CADM1: variants seen among roughly 807,000 people sequenced by gnomAD.
CADM1 encodes cell adhesion molecule 1.
CADM1 carries 15 observed loss-of-function variants against 53.1 expected under a neutral mutation model. The ratio of observed to expected loss-of-function variants is 0.28; its 90% CI spans 0.19 to 0.44. CADM1 has a LOEUF of 0.44. CADM1 is among the 20% of genes least tolerant of loss of function. The pLI, the probability that CADM1 is intolerant of heterozygous loss-of-function variation, is 1.00. For missense variants in CADM1, 434 were observed against 611.3 expected, an observed-to-expected ratio of 0.71 and a Z score of 3.06; for synonymous variants, 281 against 243.0, an observed-to-expected ratio of 1.16 and a Z score of -1.45.
At chr11:115,491,002 C>T (rs1216742344) in intron 1 of CADM1, among the ~76,000 whole-genome samples, 6 of 151,976 alleles carry the variant, frequency 3.9e-5, no homozygotes, top group Admixed American at 3.9e-4. Context: ...ACTGAGATGT[C>T]CAAGAGGCAC....
chr11:115,333,262 T>C (rs2135222944), intron 1 of CADM1, among the ~76,000 whole-genome samples: 1 of 152,186 alleles, frequency 6.6e-6, no homozygotes, highest in East Asian at 1.9e-4. Flanking sequence ...TCAGATCACT[T>C]CCTCACTTAA....
intron 1 of CADM1, among the ~76,000 whole-genome samples, chr11:115,259,290 C>CTTTTTTTTTTTTT (rs71066411): frequency 1.8e-5 from 1 of 55,088 alleles, no homozygotes; most frequent in African/African-American, 7.4e-5. Context: ...CCAGTCTTAA[C>CTTTTTTTTTTTTT]TTTTTTTTTT....
At chr11:115,219,772 G>C (rs1370398422) in intron 5 of CADM1, among the ~76,000 whole-genome samples, 1 of 152,084 alleles carries the variant, frequency 6.6e-6, no homozygotes. Flanking sequence ...ACAACTGCTG[G>C]GCATCAGGTG....
intron 1 of CADM1, among the ~76,000 whole-genome samples, chr11:115,426,278 A>G (rs1298696259): frequency 6.6e-6 from 1 of 152,218 alleles, no homozygotes; most frequent in Non-Finnish European, 1.5e-5. Context: ...ATGATATAAA[A>G]TTGAAGAAAC....
intron 1 of CADM1, among the ~76,000 whole-genome samples, chr11:115,455,178 G>A (rs1207389930): frequency 3.9e-5 from 6 of 152,108 alleles, no homozygotes; most frequent in Non-Finnish European, 8.8e-5. Flanking sequence ...GATCTCATCA[G>A]CTACTAGCTT....
chr11:115,392,674 G>T (rs1030830464), intron 1 of CADM1, among the ~76,000 whole-genome samples: 1 of 152,040 alleles, frequency 6.6e-6, no homozygotes, highest in Admixed American at 6.5e-5. Flanking sequence ...ACTAACATTC[G>T]CATTCCCAAA....
At chr11:115,231,783 T>C (rs1328259996) in intron 3 of CADM1, among the ~76,000 whole-genome samples, 1 of 152,120 alleles carries the variant, frequency 6.6e-6, no homozygotes, top group African/African-American at 2.4e-5. Flanking sequence ...GGTCAGGAGT[T>C]TGATATCAGC....
At chr11:115,214,471 G>A in intron 7 of CADM1, 137 bp downstream of exon 7, 1 of 808,308 alleles carries the variant, frequency 1.2e-6, no homozygotes, top group South Asian at 1.5e-5. Flanking sequence ...TCCACCTCAG[G>A]CCAGGCTTCT....
At chr11:115,481,393 A>G (rs1295024770) in intron 1 of CADM1, among the ~76,000 whole-genome samples, 2 of 152,136 alleles carry the variant, frequency 1.3e-5, no homozygotes, top group African/African-American at 4.8e-5. Flanking sequence ...GGCTTTCCTC[A>G]AAGTCTCTTG....
intron 1 of CADM1, among the ~76,000 whole-genome samples, chr11:115,297,986 TAG>T (rs1944123339): frequency 6.6e-6 from 1 of 152,196 alleles, no homozygotes; most frequent in Non-Finnish European, 1.5e-5. Flanking sequence ...CATTTCTGCA[TAG>T]TTTAAAATAA....
At chr11:115,339,988 C>T (rs1331618291) in intron 1 of CADM1, 1 of 152,008 alleles carries the variant, frequency 6.6e-6, no homozygotes. Context: ...ACTAAAGTAC[C>T]TCAGATCAGA....
chr11:115,427,245 A>G (rs906937778), intron 1 of CADM1, among the ~76,000 whole-genome samples: 1 of 152,258 alleles, frequency 6.6e-6, no homozygotes, highest in Non-Finnish European at 1.5e-5. Flanking sequence ...AGTTTACATG[A>G]GGAAAAATCT....
chr11:115,504,411 A>C lies in CADM1; in HGVS notation c.-17T>G, dbSNP rs965205273. ...ACTCGCCATGTCGGGCACCTGCCTCAGACTGGCGGCGTTGGCTGCCTCCGG... is the reference window on the plus strand; with the variant it reads ...ACTCGCCATGTCGGGCACCTGCCTCCGACTGGCGGCGTTGGCTGCCTCCGG... On this transcript the variant is annotated 5_prime_UTR_variant, in exon 1 of 12. Transcript: ENST00000331581. 1.3e-6 allele frequency: 2 copies of C among 1,542,896 alleles called. No homozygotes were observed. Among genetic ancestry groups the C allele is most frequent in the Admixed American group, 3.9e-5 (2 of 50,894 alleles).
At chr11:115,345,455 TA>T (rs1168912279) in intron 1 of CADM1, among the ~76,000 whole-genome samples, 1 of 152,086 alleles carries the variant, frequency 6.6e-6, no homozygotes, top group Non-Finnish European at 1.5e-5. Context: ...TGAAGTCCTG[TA>T]AGTTTATCTA....
chr11:115,400,252 A>T (rs1947102663), intron 1 of CADM1, among the ~76,000 whole-genome samples: 1 of 152,166 alleles, frequency 6.6e-6, no homozygotes, highest in South Asian at 2.1e-4. Context: ...ACATCAGGAT[A>T]GGGAAGAGGC....
intron 11 of CADM1, among the ~76,000 whole-genome samples, chr11:115,177,077 A>C (rs1245140916): frequency 2.0e-5 from 3 of 152,178 alleles, no homozygotes; most frequent in Non-Finnish European, 4.4e-5. Context: ...TGTCTATATG[A>C]ATCATTGTTG....
chr11:115,186,272 G>T (rs1278968487), intron 10 of CADM1, among the ~76,000 whole-genome samples: 2 of 152,178 alleles, frequency 1.3e-5, no homozygotes, highest in Non-Finnish European at 2.9e-5. Context: ...TAATTTAGGG[G>T]AATCAGTGGG....
At chr11:115,225,904 G>A (rs930481775) in intron 5 of CADM1, among the ~76,000 whole-genome samples, 2 of 152,006 alleles carry the variant, frequency 1.3e-5, no homozygotes, top group African/African-American at 2.4e-5. Flanking sequence ...CATCTTAGAT[G>A]GGGATAAAGA....
chr11:115,490,886 G>A (rs1437814843), intron 1 of CADM1, among the ~76,000 whole-genome samples: 1 of 152,056 alleles, frequency 6.6e-6, no homozygotes, highest in Non-Finnish European at 1.5e-5. Flanking sequence ...GGGCAACAGT[G>A]GTAACTATAG....
Sources: allele counts gnomAD v4.1 joint callset (sites outside exome capture counted in the v4.1 genomes callset), GRCh38; gene constraint gnomAD v4.1.1; transcripts MANE v1.5; gene names NCBI Gene and HGNC (gene_info 2026-07-23, HGNC 2026-07-21).